UNC13C: variants seen among roughly 807,000 people sequenced by gnomAD.
The protein encoded by UNC13C is unc-13 homolog C.
A neutral mutation model predicts 245.4 loss-of-function variants in UNC13C; 174 were observed. That is an observed-to-expected ratio of 0.71 (90% CI 0.63 to 0.80). The LOEUF (loss-of-function observed/expected upper bound fraction) is 0.80. Among genes scored for constraint, UNC13C ranks in the 30% least tolerant of loss-of-function variants. UNC13C has a pLI of 0.00. For synonymous variants in UNC13C, 992 were observed against 895.1 expected (o/e 1.11, Z -1.93); for missense variants, 2,829 against 2,602.9 (o/e 1.09, Z -1.89).
At chr15:53,847,479 C>G in the UNC13C span, among the ~76,000 whole-genome samples, 1 of 151,626 alleles carries the variant, frequency 6.6e-6, no homozygotes, top group Non-Finnish European at 1.5e-5. Context: ...GCCTCAGCCT[C>G]CCAAGCAGCT....
At chr15:54,140,598 A>G (rs2031972296) in intron 2 of UNC13C, among the ~76,000 whole-genome samples, 1 of 152,212 alleles carries the variant, frequency 6.6e-6, no homozygotes, top group African/African-American at 2.4e-5. Flanking sequence ...TAGGTTTGGG[A>G]CATAACAGGC....
chr15:54,258,685 A>G (rs889030805), intron 8 of UNC13C, among the ~76,000 whole-genome samples: 2 of 152,136 alleles, frequency 1.3e-5, no homozygotes, highest in African/African-American at 4.8e-5. Flanking sequence ...TCTTTAATAA[A>G]TACCTATATC....
intron 2 of UNC13C, among the ~76,000 whole-genome samples, chr15:54,025,294 A>G (rs988056619): frequency 2.6e-5 from 4 of 152,222 alleles, no homozygotes; most frequent in African/African-American, 7.2e-5. Context: ...TGTTTTATAT[A>G]GCATTGGCAC....
chr15:54,562,397 C>G (rs1897329449), intron 29 of UNC13C, among the ~76,000 whole-genome samples: 1 of 151,954 alleles, frequency 6.6e-6, no homozygotes, highest in African/African-American at 2.4e-5. Flanking sequence ...TTATAAGGAT[C>G]AGAGAATCAA....
At chr15:53,838,796 A>T in the UNC13C span, among the ~76,000 whole-genome samples, 1 of 152,062 alleles carries the variant, frequency 6.6e-6, no homozygotes, top group Admixed American at 6.6e-5. Flanking sequence ...TTGTTAAAAC[A>T]TGTAAACGTT....
chr15:54,178,257 C>T (rs1272139989), intron 4 of UNC13C, among the ~76,000 whole-genome samples: 1 of 151,460 alleles, frequency 6.6e-6, no homozygotes, highest in Non-Finnish European at 1.5e-5. Context: ...GTAGGGAACC[C>T]CTGTAAAAAG....
At chr15:54,572,190 T>C (rs575333959) in intron 30 of UNC13C, among the ~76,000 whole-genome samples, 2 of 152,010 alleles carry the variant, frequency 1.3e-5, no homozygotes, top group African/African-American at 2.4e-5. Flanking sequence ...CTGACCTCTA[T>C]GTACACCTCT....
chr15:54,486,125 A>G (rs1274834179), intron 19 of UNC13C, among the ~76,000 whole-genome samples: 1 of 152,022 alleles, frequency 6.6e-6, no homozygotes, highest in East Asian at 1.9e-4. Context: ...AATAGTACCC[A>G]GTGGCCGGGC....
chr15:53,931,353 G>A, the UNC13C span, among the ~76,000 whole-genome samples: 3 of 151,994 alleles, frequency 2.0e-5, no homozygotes, highest in East Asian at 5.8e-4. Flanking sequence ...ATTTTTAGTA[G>A]AGACAGGGTT....
At chr15:53,986,282 A>G (rs1894138278) in intron 1 of UNC13C, among the ~76,000 whole-genome samples, 1 of 152,076 alleles carries the variant, frequency 6.6e-6, no homozygotes, top group African/African-American at 2.4e-5. Context: ...TAGGAGAGAC[A>G]AAGTGTGGGG....
At chr15:54,062,309 G>T (rs1354059985) in intron 2 of UNC13C, among the ~76,000 whole-genome samples, 4 of 145,968 alleles carry the variant, frequency 2.7e-5, no homozygotes, top group Non-Finnish European at 6.0e-5. Context: ...GATAACAAGA[G>T]TGAAACTCAG....
At chr15:54,205,486 A>G (rs1045601843) in intron 4 of UNC13C, among the ~76,000 whole-genome samples, 5 of 152,136 alleles carry the variant, frequency 3.3e-5, no homozygotes, top group East Asian at 3.9e-4. Context: ...TACTTTTTGT[A>G]TAACTCTTAG....
intron 2 of UNC13C, among the ~76,000 whole-genome samples, chr15:54,086,465 G>A (rs767225128): frequency 6.6e-6 from 1 of 152,142 alleles, no homozygotes; most frequent in African/African-American, 2.4e-5. Flanking sequence ...TAAAATTGAG[G>A]CTGCTCAGTC....
chr15:54,629,601 G>C, downstream of UNC13C: 1 of 92,774 alleles, frequency 1.1e-5, no homozygotes, highest in Admixed American at 1.0e-4. Flanking sequence ...CATGCAACAT[G>C]GTTAAAAATC....
the UNC13C span, among the ~76,000 whole-genome samples, chr15:53,956,161 G>T: frequency 1.3e-5 from 2 of 152,244 alleles, no homozygotes; most frequent in South Asian, 4.1e-4. Context: ...GACAACAGTA[G>T]AACTGGGGAT....
chr15:53,885,447 A>C, the UNC13C span, among the ~76,000 whole-genome samples: 2 of 152,214 alleles, frequency 1.3e-5, no homozygotes, highest in Non-Finnish European at 2.9e-5. Flanking sequence ...AGAGAGGCCA[A>C]GAAAAATCTC....
the UNC13C span, among the ~76,000 whole-genome samples, chr15:53,956,070 T>C: frequency 6.6e-6 from 1 of 152,112 alleles, no homozygotes; most frequent in Admixed American, 6.6e-5. Context: ...TGAATTAATA[T>C]AGAAACAGAA....
At chr15:54,469,551 A>T (rs1892350031) in intron 19 of UNC13C, among the ~76,000 whole-genome samples, 1 of 151,512 alleles carries the variant, frequency 6.6e-6, no homozygotes, top group South Asian at 2.1e-4. Context: ...ATGGCTCAAT[A>T]TTTGCATATA....
At chr15:54,237,726 A>T (rs1567125041) in intron 7 of UNC13C, 36 bp downstream of exon 7, 2 of 1,485,858 alleles carry the variant, frequency 1.3e-6, no homozygotes, top group Admixed American at 1.8e-5. Flanking sequence ...ATCTAACTAG[A>T]TATTGCTCAT....
Sources: gnomAD v4.1 joint callset for allele counts (sites outside exome capture counted in the v4.1 genomes callset) on GRCh38, gnomAD v4.1.1 for gene constraint, MANE v1.5 for transcripts, NCBI Gene and HGNC (gene_info 2026-07-23, HGNC 2026-07-21) for gene names.